The following MARCHF1 variants were observed in gnomAD, a reference collection of about 807,000 sequenced individuals.
MARCHF1 encodes the protein E3 ubiquitin-protein ligase MARCHF1.
Under a neutral mutation model 54.2 loss-of-function variants are expected in MARCHF1, and 40 were observed. The observed-to-expected ratio is 0.74, with a 90% CI of 0.57 to 0.96. The LOEUF (loss-of-function observed/expected upper bound fraction) is 0.96. Ranked by LOEUF, MARCHF1 falls within the 40% of genes least tolerant of loss-of-function variation. The pLI, the probability that MARCHF1 is intolerant of heterozygous loss-of-function variation, is 0.00. For synonymous variants in MARCHF1, 236 were observed against 236.3 expected, an observed-to-expected ratio of 1.00 and a Z score of 0.01; for missense variants, 586 against 656.5, an observed-to-expected ratio of 0.89 and a Z score of 1.17.
chr4:163,715,308 C>T (rs1282217972), intron 4 of MARCHF1, among the ~76,000 whole-genome samples: 3 of 152,044 alleles, frequency 2.0e-5, no homozygotes, highest in Non-Finnish European at 4.4e-5. Flanking sequence ...TACAGTGGCG[C>T]GATCTCGGCT....
chr4:164,253,015 G>A (rs936511827), intron 1 of MARCHF1, among the ~76,000 whole-genome samples: 4 of 152,106 alleles, frequency 2.6e-5, no homozygotes, highest in Non-Finnish European at 4.4e-5. Context: ...AGCTGAAAAA[G>A]TCCAGTGTAT....
chr4:163,591,520 T>TG (rs1256863833), intron 7 of MARCHF1, among the ~76,000 whole-genome samples: 1 of 152,138 alleles, frequency 6.6e-6, no homozygotes, highest in East Asian at 1.9e-4. Context: ...AATAATTTTA[T>TG]GGGGGCAGGA....
intron 4 of MARCHF1, among the ~76,000 whole-genome samples, chr4:163,772,875 C>G (rs1225676417): frequency 6.6e-6 from 1 of 152,014 alleles, no homozygotes; most frequent in Non-Finnish European, 1.5e-5. Context: ...CACATTGCCA[C>G]TGAACTGATG....
intron 1 of MARCHF1, among the ~76,000 whole-genome samples, chr4:164,112,672 C>T (rs1755858501): frequency 6.6e-6 from 1 of 151,820 alleles, no homozygotes; most frequent in African/African-American, 2.4e-5. Context: ...AAGTCAACCG[C>T]TGACACTGGG....
chr4:163,556,881 AAG>A (rs1277979619), intron 8 of MARCHF1, among the ~76,000 whole-genome samples: 1 of 150,540 alleles, frequency 6.6e-6, no homozygotes, highest in Non-Finnish European at 1.5e-5. Flanking sequence ...CCTAAAACTG[AAG>A]ATTTTTTTTT....
intron 2 of MARCHF1, among the ~76,000 whole-genome samples, chr4:164,032,859 C>T (rs976636728): frequency 6.6e-5 from 10 of 152,004 alleles, no homozygotes; most frequent in African/African-American, 2.4e-4. Context: ...CAATCCTAAG[C>T]AGAAAGAACA....
rs1246454729 is a variant in MARCHF1, at chr4:163,637,435, C to T, written c.163-24042G>A. ...ACCCCATCAAAAAGTGGGCGAAGGA[C>T]ATGAACAGACACTTCTCAAAAGAAG... is the stretch of plus-strand genomic sequence containing the variant. On this transcript the variant is annotated intron_variant, in intron 5 of 9. Transcript: ENST00000514618. Among the ~76,000 whole-genome samples, 8 of 152,110 alleles carry T rather than the reference C, an allele frequency of 5.3e-5. No homozygotes were observed. The East Asian group carries it at 7.7e-4, about 15-fold the overall frequency.
chr4:164,185,305 A>G lies in MARCHF1; in HGVS notation c.-322-73643T>C, dbSNP rs565388092. On this transcript the variant is annotated intron_variant, in intron 1 of 9. Coordinates refer to ENST00000514618, the MANE Select transcript of MARCHF1 (RefSeq NM_001394959.1). ...ATAAACATTGTAACACACATAAGGCATCTGAGTGAATGGTTATTTTTGATT... is the reference window on the plus strand; with the variant it reads ...ATAAACATTGTAACACACATAAGGCGTCTGAGTGAATGGTTATTTTTGATT... 2.6e-5 allele frequency among the ~76,000 whole-genome samples: 4 copies of G among 152,342 alleles called. No individual in the cohort carries two copies. The East Asian group carries it at 5.8e-4, about 22-fold the overall frequency.
intron 1 of MARCHF1, among the ~76,000 whole-genome samples, chr4:164,247,564 A>C: frequency 6.7e-6 from 1 of 150,310 alleles, no homozygotes; most frequent in Admixed American, 6.7e-5. Context: ...ATATGTAACT[A>C]ACATGCACAA....
At chr4:163,681,091 A>G (rs982758616) in intron 5 of MARCHF1, among the ~76,000 whole-genome samples, 1 of 151,910 alleles carries the variant, frequency 6.6e-6, no homozygotes, top group Non-Finnish European at 1.5e-5. Flanking sequence ...CTAACCAGAT[A>G]TTAAAGGGAA....
Position 163,700,844 on chromosome 4 carries a change from C to G in MARCHF1, c.131G>C (p.Arg44Pro). ...AATGTTACTTGATCGACTTGCAGAT[C>G]GCCCTGGGGATTTTTCATTCTGAAA... ...TSTLNEKSPG[R>P]SASRSSNISK... The change falls in exon 5 of 10, where the codon CGA becomes CCA. Residue 44 changes from arginine to proline, a missense_variant. Coordinates refer to ENST00000514618, the MANE Select transcript of MARCHF1 (RefSeq NM_001394959.1). The G allele has an allele frequency of 1.3e-6, 2 of 1,536,248 alleles. No homozygotes were observed. The highest frequency in any genetic ancestry group is 1.7e-6 in the Non-Finnish European group (2 of 1,146,338).
intron 4 of MARCHF1, among the ~76,000 whole-genome samples, chr4:163,844,531 T>C (rs1335947233): frequency 1.3e-5 from 2 of 152,174 alleles, no homozygotes; most frequent in South Asian, 2.1e-4. Context: ...AGGATAAGGA[T>C]TGTGTCTTTA....
At chr4:163,690,122 T>C (rs1039083049) in intron 5 of MARCHF1, among the ~76,000 whole-genome samples, 1 of 152,206 alleles carries the variant, frequency 6.6e-6, no homozygotes, top group Non-Finnish European at 1.5e-5. Context: ...ACACAGAGCA[T>C]GAAGACTACT....
intron 3 of MARCHF1, among the ~76,000 whole-genome samples, chr4:163,872,164 G>C (rs1021494055): frequency 6.6e-6 from 1 of 152,232 alleles, no homozygotes; most frequent in African/African-American, 2.4e-5. Flanking sequence ...ACCAGAGGTA[G>C]CCTGCATTGC....
At chr4:164,148,126 C>T (rs924851211) in intron 1 of MARCHF1, among the ~76,000 whole-genome samples, 6 of 138,918 alleles carry the variant, frequency 4.3e-5, no homozygotes, top group Admixed American at 2.3e-4. Context: ...GATCATGAAC[C>T]GTGGTTTAAA....
At chr4:164,195,273 CAAAAAG>C (rs1391840044) in intron 1 of MARCHF1, among the ~76,000 whole-genome samples, 1 of 151,610 alleles carries the variant, frequency 6.6e-6, no homozygotes, top group Admixed American at 6.6e-5. Context: ...ACCAAATAAA[CAAAAAG>C]AAAATATTTT....
At chr4:164,321,724 T>C (rs570553707) in intron 1 of MARCHF1, among the ~76,000 whole-genome samples, 1 of 152,208 alleles carries the variant, frequency 6.6e-6, no homozygotes, top group African/African-American at 2.4e-5. Flanking sequence ...ATATTACCCA[T>C]GTACCCAACT....
intron 4 of MARCHF1, among the ~76,000 whole-genome samples, chr4:163,837,456 T>C (rs1177301272): frequency 6.6e-6 from 1 of 152,162 alleles, no homozygotes; most frequent in African/African-American, 2.4e-5. Flanking sequence ...ACAACTTAAA[T>C]ATAATGACAG....
intron 3 of MARCHF1, among the ~76,000 whole-genome samples, chr4:163,943,206 T>C (rs1751951556): frequency 6.6e-6 from 1 of 152,224 alleles, no homozygotes; most frequent in African/African-American, 2.4e-5. Context: ...ATCCCATTTG[T>C]CAATTTTGGC....
Sources: gnomAD v4.1 joint callset for allele counts (sites outside exome capture counted in the v4.1 genomes callset) on GRCh38, gnomAD v4.1.1 for gene constraint, MANE v1.5 for transcripts, NCBI Gene and HGNC (gene_info 2026-07-23, HGNC 2026-07-21) for gene names.